The following MBD5 variants were observed in gnomAD, a reference collection of about 807,000 sequenced individuals.
MBD5 encodes the protein methyl-CpG binding domain protein 5.
MBD5 carries 13 observed loss-of-function variants against 117.3 expected under a neutral mutation model. That is an observed-to-expected ratio of 0.11 (90% CI 0.07 to 0.18). The LOEUF (loss-of-function observed/expected upper bound fraction) is 0.18, where lower values mean the gene tolerates loss of function less well. MBD5 is among the 10% of genes least tolerant of loss of function. MBD5 has a pLI of 1.00. For synonymous variants in MBD5, 727 were observed against 766.4 expected, an observed-to-expected ratio of 0.95 and a Z score of 0.85; for missense variants, 1,879 against 2,093.8, an observed-to-expected ratio of 0.90 and a Z score of 2.00.
intron 1 of MBD5, among the ~76,000 whole-genome samples, chr2:148,079,251 T>TC (rs1372856184): frequency 6.6e-6 from 1 of 152,202 alleles, no homozygotes; most frequent in Non-Finnish European, 1.5e-5. Flanking sequence ...TCTTCCAATT[T>TC]CAAAATGACT....
At chr2:148,381,789 G>C (rs890660964) in intron 4 of MBD5, among the ~76,000 whole-genome samples, 12 of 152,314 alleles carry the variant, frequency 7.9e-5, no homozygotes, top group African/African-American at 2.9e-4. Context: ...CCAGAAGAGA[G>C]TGGGGGCCAA....
intron 1 of MBD5, among the ~76,000 whole-genome samples, chr2:148,104,354 A>G (rs1696313107): frequency 6.6e-6 from 1 of 152,196 alleles, no homozygotes; most frequent in Non-Finnish European, 1.5e-5. Context: ...TTTGTGAAGC[A>G]CAAATTCATA....
intron 13 of MBD5, among the ~76,000 whole-genome samples, chr2:148,511,714 A>T (rs945293745): frequency 3.3e-5 from 5 of 152,242 alleles, no homozygotes; most frequent in Non-Finnish European, 7.3e-5. Flanking sequence ...TTCCTCAGTT[A>T]TAAAAAGTTT....
intron 3 of MBD5, among the ~76,000 whole-genome samples, chr2:148,237,564 C>T (rs1324350867): frequency 1.3e-5 from 2 of 152,086 alleles, no homozygotes; most frequent in African/African-American, 2.4e-5. Flanking sequence ...TCAGGCAGTT[C>T]GTGGCACCCC....
chr2:148,199,392 T>C (rs977607291), intron 2 of MBD5, among the ~76,000 whole-genome samples: 2 of 152,200 alleles, frequency 1.3e-5, no homozygotes, highest in African/African-American at 2.4e-5. Context: ...TATTAATACA[T>C]TTCAGCACTT....
At chr2:148,349,373 C>A (rs1226290644) in intron 4 of MBD5, among the ~76,000 whole-genome samples, 1 of 151,918 alleles carries the variant, frequency 6.6e-6, no homozygotes, top group African/African-American at 2.4e-5. Flanking sequence ...AGCCTATTCT[C>A]CTTCATATCA....
intron 3 of MBD5, among the ~76,000 whole-genome samples, chr2:148,328,465 TCA>T (rs1486600738): frequency 6.6e-5 from 10 of 152,184 alleles, no homozygotes; most frequent in Non-Finnish European, 1.2e-4. Flanking sequence ...CAGTTTGATC[TCA>T]GACTGCTGTG....
At position 148,468,914 on chromosome 2, in the gene MBD5, C is replaced by G; in HGVS notation, c.971C>G (p.Pro324Arg). 1 of 1,613,686 alleles carries G rather than the reference C, an allele frequency of 6.2e-7. No individual in the cohort carries two copies. Among genetic ancestry groups the G allele is most frequent in the East Asian group, 2.2e-5 (1 of 44,822 alleles). ...AATTTTTCAACTAATATGGAAATAC[C>G]ACGAGCAATGTTCCACCACAAACCA... ...MCNFSTNMEI[P>R]RAMFHHKPPQ... Residue 324 changes from proline (P) to arginine (R), a missense_variant, in exon 8 of 14, where the codon CCA becomes CGA. Physicochemically the swap from Pro to Arg is moderately radical, Grantham distance 103. Coordinates refer to ENST00000642680, the MANE Select transcript of MBD5 (RefSeq NM_001378120.1).
At chr2:148,125,575 C>T (rs1696869571) in intron 1 of MBD5, among the ~76,000 whole-genome samples, 2 of 152,210 alleles carry the variant, frequency 1.3e-5, no homozygotes, top group South Asian at 4.1e-4. Context: ...AATACCCTTC[C>T]CAATTTTTCA....
At chr2:148,049,999 T>C (rs1316976636) in intron 1 of MBD5, among the ~76,000 whole-genome samples, 1 of 152,240 alleles carries the variant, frequency 6.6e-6, no homozygotes, top group Non-Finnish European at 1.5e-5. Context: ...TTTTTGGTTA[T>C]GGATAATGCT....
At chr2:148,374,022 A>G (rs1161898505) in intron 4 of MBD5, among the ~76,000 whole-genome samples, 5 of 152,118 alleles carry the variant, frequency 3.3e-5, no homozygotes, top group Admixed American at 3.3e-4. Context: ...TCAGATTTTC[A>G]GATTAGGGCT....
chr2:148,313,939 C>T (rs1478217670), intron 3 of MBD5, among the ~76,000 whole-genome samples: 1 of 152,008 alleles, frequency 6.6e-6, no homozygotes, highest in Non-Finnish European at 1.5e-5. Context: ...AACGCCCCAC[C>T]CTGCTTCTGC....
chr2:148,308,322 TG>T (rs1430851106), intron 3 of MBD5, among the ~76,000 whole-genome samples: 5 of 152,134 alleles, frequency 3.3e-5, no homozygotes, highest in African/African-American at 1.2e-4. Flanking sequence ...GACTTTTTAA[TG>T]ATTGCCATTC....
intron 2 of MBD5, among the ~76,000 whole-genome samples, chr2:148,214,462 G>C (rs1011272695): frequency 1.3e-5 from 2 of 152,120 alleles, no homozygotes; most frequent in Non-Finnish European, 2.9e-5. Flanking sequence ...CTTACTCCAT[G>C]GGCTGAAGTT....
chr2:148,122,479 T>G (rs1696792427), intron 1 of MBD5, among the ~76,000 whole-genome samples: 1 of 152,206 alleles, frequency 6.6e-6, no homozygotes, highest in African/African-American at 2.4e-5. Context: ...GCCTCTCTAC[T>G]TACGAAGGCA....
chr2:148,176,354 G>T, intron 1 of MBD5, among the ~76,000 whole-genome samples: 1 of 126,990 alleles, frequency 7.9e-6, no homozygotes, highest in African/African-American at 2.9e-5. Context: ...ATATGTGTAT[G>T]AATATATTTT....
intron 3 of MBD5, among the ~76,000 whole-genome samples, chr2:148,261,652 G>T (rs1700736656): frequency 6.6e-6 from 1 of 152,168 alleles, no homozygotes; most frequent in African/African-American, 2.4e-5. Context: ...CAGCAAAAAG[G>T]CTGTTTTGCT....
intron 4 of MBD5, among the ~76,000 whole-genome samples, chr2:148,406,000 T>A (rs561328365): frequency 6.6e-6 from 1 of 152,068 alleles, no homozygotes; most frequent in African/African-American, 2.4e-5. Flanking sequence ...GCTGGTTATA[T>A]ACTAAGTTGA....
At chr2:148,382,987 C>T (rs1238222041) in intron 4 of MBD5, among the ~76,000 whole-genome samples, 1 of 150,956 alleles carries the variant, frequency 6.6e-6, no homozygotes, top group South Asian at 2.1e-4. Context: ...GCACTAAATG[C>T]CCACAAGAGA....
Sources: allele counts gnomAD v4.1 joint callset (sites outside exome capture counted in the v4.1 genomes callset), GRCh38; gene constraint gnomAD v4.1.1; transcripts MANE v1.5; gene names NCBI Gene and HGNC (gene_info 2026-07-23, HGNC 2026-07-21).